The following RGS6 variants were observed in gnomAD, a reference collection of about 807,000 sequenced individuals.
The protein encoded by RGS6 is regulator of G protein signaling 6, also known as regulator of G-protein signaling 6.
In RGS6, 30 loss-of-function variants were observed where a neutral mutation model predicts 78.5. That is an observed-to-expected ratio of 0.38 (90% CI 0.29 to 0.52). The LOEUF (loss-of-function observed/expected upper bound fraction) is 0.52, where lower values mean the gene tolerates loss of function less well. Ranked by LOEUF, RGS6 falls within the 20% of genes least tolerant of loss-of-function variation. The pLI, the probability that RGS6 is intolerant of heterozygous loss-of-function variation, is 0.85. For missense variants in RGS6, 495 were observed against 609.7 expected (o/e 0.81, Z 1.98); for synonymous variants, 206 against 206.0 (o/e 1.00, Z 0.00).
chr14:72,166,095 CA>C (rs1386008086), intron 2 of RGS6, among the ~76,000 whole-genome samples: 3 of 10,368 alleles, frequency 2.9e-4, no homozygotes, highest in African/African-American at 4.8e-4. Flanking sequence ...ATTTTTGAGA[CA>C]CACACACACA....
intron 1 of RGS6, among the ~76,000 whole-genome samples, chr14:71,949,681 A>C (rs2092061329): frequency 6.6e-6 from 1 of 151,970 alleles, no homozygotes; most frequent in South Asian, 2.1e-4. Context: ...CTAACTTATC[A>C]GTCTCTTTCT....
At chr14:72,620,866 C>A in the RGS6 span, among the ~76,000 whole-genome samples, 1 of 152,148 alleles carries the variant, frequency 6.6e-6, no homozygotes, top group Admixed American at 6.5e-5. Context: ...CTTGGCTGGG[C>A]GCTGTGGCGC....
intron 2 of RGS6, among the ~76,000 whole-genome samples, chr14:72,073,079 C>T (rs1315802860): frequency 6.6e-6 from 1 of 152,200 alleles, no homozygotes; most frequent in Admixed American, 6.5e-5. Flanking sequence ...GGGTTCAAAT[C>T]CTCCTTCTGC....
At chr14:72,329,545 T>G (rs900313085) in intron 2 of RGS6, among the ~76,000 whole-genome samples, 1 of 152,262 alleles carries the variant, frequency 6.6e-6, no homozygotes, top group Non-Finnish European at 1.5e-5. Flanking sequence ...GCATTGTCTG[T>G]CCAGTAAGTC....
At chr14:72,387,406 A>G (rs376641082) in intron 3 of RGS6, among the ~76,000 whole-genome samples, 2,749 of 152,172 alleles carry the variant, frequency 0.018, 91 homozygotes, top group African/African-American at 0.064. Context: ...AAAATTAGCC[A>G]GGTATGGTGG....
chr14:72,168,492 G>A (rs925599406), intron 2 of RGS6, among the ~76,000 whole-genome samples: 3 of 152,168 alleles, frequency 2.0e-5, no homozygotes, highest in African/African-American at 7.2e-5. Context: ...TAAATGTAAA[G>A]TACACAACCA....
At chr14:72,621,114 C>G in the RGS6 span, among the ~76,000 whole-genome samples, 1 of 149,568 alleles carries the variant, frequency 6.7e-6, no homozygotes, top group Non-Finnish European at 1.5e-5. Context: ...GCACTCCAGC[C>G]TGGGCAACTG....
chr14:72,389,544 G>A lies in RGS6; in HGVS notation c.184+37350G>A, dbSNP rs144190518. On this transcript the variant is annotated intron_variant, in intron 3 of 17. Transcript: ENST00000553525. ...ACTAGGGAAACCTTACAGAGGCCCC[G>A]CCAGCATCAAAGAGCAAGGTTCTGT... 2.6e-4 allele frequency among the ~76,000 whole-genome samples: 40 copies of A among 152,218 alleles called. No individual in the cohort carries two copies. In the East Asian group the frequency reaches 6.0e-3, roughly 23 times the overall value.
At chr14:72,349,949 T>A (rs1248585124) in intron 2 of RGS6, among the ~76,000 whole-genome samples, 1 of 152,188 alleles carries the variant, frequency 6.6e-6, no homozygotes, top group Non-Finnish European at 1.5e-5. Context: ...ATATGCTAGA[T>A]CAAAAGCATA....
At chr14:72,568,257 T>C (rs974428470), downstream of RGS6, among the ~76,000 whole-genome samples, 1 of 151,524 alleles carries the variant, frequency 6.6e-6, no homozygotes, top group South Asian at 2.1e-4. Flanking sequence ...AATGAGAATT[T>C]CAAAATCTTC....
intron 2 of RGS6, among the ~76,000 whole-genome samples, chr14:72,261,774 T>C (rs2058210350): frequency 6.6e-6 from 1 of 152,204 alleles, no homozygotes; most frequent in Admixed American, 6.5e-5. Context: ...AATTGAAGTC[T>C]TGTAGCCAAA....
chr14:71,920,165 G>T, the RGS6 span, among the ~76,000 whole-genome samples: 3 of 152,126 alleles, frequency 2.0e-5, no homozygotes, highest in Non-Finnish European at 4.4e-5. Context: ...GAATTCAGAC[G>T]CAGGTCTTTG....
intron 4 of RGS6, among the ~76,000 whole-genome samples, chr14:72,456,078 A>G (rs78526898): frequency 2.0e-5 from 3 of 152,288 alleles, no homozygotes; most frequent in African/African-American, 4.8e-5. Flanking sequence ...AGTTATTTCT[A>G]TGAAAATCTG....
the RGS6 span, among the ~76,000 whole-genome samples, chr14:72,577,912 T>G: frequency 6.6e-6 from 1 of 152,304 alleles, no homozygotes; most frequent in East Asian, 1.9e-4. Context: ...AAAAGGAAGA[T>G]CAGAAGTAAG....
intron 2 of RGS6, among the ~76,000 whole-genome samples, chr14:72,226,522 A>G (rs138736200): frequency 4.4e-4 from 67 of 152,306 alleles, no homozygotes; most frequent in African/African-American, 1.6e-3. Flanking sequence ...AGAGCTGCCA[A>G]TTTTATATCA....
rs559630923 is a variant in RGS6 at position 72,490,325 on chromosome 14, C to T, written c.855-4827C>T. Among the ~76,000 whole-genome samples, 6 of 152,328 alleles carry T rather than the reference C, an allele frequency of 3.9e-5. No homozygotes were observed. The East Asian group carries it at 1.2e-3, about 29-fold the overall frequency. On this transcript the variant is annotated intron_variant, in intron 12 of 17. Coordinates refer to ENST00000553525, the MANE Select transcript of RGS6 (RefSeq NM_001204424.2). The stretch of plus-strand genomic sequence containing the variant: ...CTTGCCTCCCACCATGATTGTGAGG[C>T]CTCCCCAGCTACATGGAACTGTAAG...
intron 2 of RGS6, among the ~76,000 whole-genome samples, chr14:72,271,960 G>T (rs2060015261): frequency 6.7e-6 from 1 of 150,314 alleles, no homozygotes; most frequent in African/African-American, 2.5e-5. Flanking sequence ...CACTTTTAAG[G>T]ACTCTGTGAT....
chr14:72,600,989 AGAG>A, the RGS6 span, among the ~76,000 whole-genome samples: 88 of 134,788 alleles, frequency 6.5e-4, no homozygotes, highest in African/African-American at 2.0e-3. Flanking sequence ...AGGGAGAGGA[AGAG>A]GAGGAGGAGG....
chr14:72,573,012 C>G, the RGS6 span, among the ~76,000 whole-genome samples: 2 of 152,074 alleles, frequency 1.3e-5, no homozygotes, highest in East Asian at 3.9e-4. Context: ...ACCAAGAGAA[C>G]AGGGCTGGTC....
Sources: allele counts gnomAD v4.1 joint callset (sites outside exome capture counted in the v4.1 genomes callset), GRCh38; gene constraint gnomAD v4.1.1; transcripts MANE v1.5; gene names NCBI Gene and HGNC (gene_info 2026-07-23, HGNC 2026-07-21).